GAS7: variants seen among roughly 807,000 people sequenced by gnomAD.
The protein encoded by GAS7 is growth arrest-specific protein 7.
Under a neutral mutation model 71.1 loss-of-function variants are expected in GAS7, and 28 were observed. The observed-to-expected ratio is 0.39, with a 90% CI of 0.29 to 0.54. The LOEUF is 0.54. Among genes scored for constraint, GAS7 ranks in the 20% least tolerant of loss-of-function variants. The pLI is 0.62. For synonymous variants in GAS7, 258 were observed against 245.8 expected (o/e 1.05, Z -0.46); for missense variants, 436 against 627.8 (o/e 0.69, Z 3.27).
intron 1 of GAS7, among the ~76,000 whole-genome samples, chr17:10,176,677 T>C (rs900935710): frequency 2.0e-5 from 3 of 152,144 alleles, no homozygotes; most frequent in African/African-American, 7.2e-5. Context: ...GCAGCCCTAC[T>C]GAGAAGGAGA....
At chr17:10,173,402 A>G (rs11655791) in intron 1 of GAS7, among the ~76,000 whole-genome samples, 27,531 of 152,064 alleles carry the variant, frequency 0.18, 2,637 homozygotes, top group Middle Eastern at 0.24. Context: ...AATGAAGAGA[A>G]GGAGGAATGA....
In GAS7 at chr17:9,912,772, G is replaced by A. The variant is rs549828607; in HGVS notation, c.*4456C>T. The A allele has an allele frequency of 3.0e-5, 7 of 232,438 alleles. No individual in the cohort carries two copies. The highest frequency in any genetic ancestry group is 6.0e-5 in the Non-Finnish European group (7 of 117,604). 14.4% of individuals were successfully genotyped at this position (232,438 alleles called of 1,614,324 possible). Reference sequence around the variant, plus strand: ...AGGAAGCAGCAAGCTGGAAGTGGTCGTGCAAACAAGTTGAAGACCCTGGGC... The same window carrying A: ...AGGAAGCAGCAAGCTGGAAGTGGTCATGCAAACAAGTTGAAGACCCTGGGC... On this transcript the variant is annotated 3_prime_UTR_variant, in exon 14 of 14. Transcript: ENST00000432992.
chr17:9,975,729 A>G (rs7218249), intron 3 of GAS7, among the ~76,000 whole-genome samples: 31,338 of 152,150 alleles, frequency 0.21, 3,480 homozygotes, highest in Middle Eastern at 0.3. Context: ...CATTATTCAG[A>G]TTGAGTTTAT....
intron 1 of GAS7, among the ~76,000 whole-genome samples, chr17:10,059,232 G>C (rs896310447): frequency 1.3e-5 from 2 of 152,162 alleles, no homozygotes; most frequent in Non-Finnish European, 1.5e-5. Context: ...TGGTTCCCAA[G>C]GGCCTTTTCA....
At chr17:10,055,680 A>G (rs1002804892) in intron 1 of GAS7, among the ~76,000 whole-genome samples, 1 of 152,252 alleles carries the variant, frequency 6.6e-6, no homozygotes, top group Admixed American at 6.5e-5. Context: ...TTATTTTCAA[A>G]GTCTGGTTCA....
intron 1 of GAS7, among the ~76,000 whole-genome samples, chr17:10,155,820 T>G (rs1209810588): frequency 6.6e-6 from 1 of 152,360 alleles, no homozygotes; most frequent in East Asian, 1.9e-4. Flanking sequence ...ACATGTATTA[T>G]AATGGTCCTA....
intron 1 of GAS7, among the ~76,000 whole-genome samples, chr17:10,126,357 C>T (rs1034841266): frequency 1.7e-5 from 2 of 119,446 alleles, no homozygotes; most frequent in African/African-American, 2.6e-5. Context: ...TACACTCACA[C>T]ACACTCTTGC....
At chr17:10,009,181 C>A (rs1322610249) in intron 2 of GAS7, among the ~76,000 whole-genome samples, 2 of 151,168 alleles carry the variant, frequency 1.3e-5, no homozygotes, top group Admixed American at 1.3e-4. Context: ...ATTAGCCGGG[C>A]GTAGTGGCGG....
intron 1 of GAS7, among the ~76,000 whole-genome samples, chr17:10,117,391 T>C (rs2073869956): frequency 6.6e-6 from 1 of 152,100 alleles, no homozygotes; most frequent in Non-Finnish European, 1.5e-5. Flanking sequence ...GGTAACATAT[T>C]CACAGGCTCC....
Position 10,189,584 on chromosome 17 carries a change from C to T in GAS7, c.183+8624G>A, listed in dbSNP as rs182449041. 2.5e-3 allele frequency among the ~76,000 whole-genome samples: 380 copies of T among 152,124 alleles called. 5 individuals carry two copies. The highest frequency in any genetic ancestry group is 3.3e-3 in the East Asian group (17 of 5,170). On this transcript the variant is annotated intron_variant, in intron 1 of 13. Coordinates refer to ENST00000432992, the MANE Select transcript of GAS7 (RefSeq NM_201433.2). ...TCTCCCAGGTTTATCAAACACACTCCTCTACTCAGGGTTATGTACATCTGC... is the reference window on the plus strand; with the variant it reads ...TCTCCCAGGTTTATCAAACACACTCTTCTACTCAGGGTTATGTACATCTGC...
At chr17:9,939,653 A>T (rs555534657) in intron 8 of GAS7, among the ~76,000 whole-genome samples, 2 of 151,282 alleles carry the variant, frequency 1.3e-5, no homozygotes, top group Admixed American at 1.3e-4. Flanking sequence ...TCTGTCGCCC[A>T]GGCTGGAGTG....
intron 2 of GAS7, among the ~76,000 whole-genome samples, chr17:10,018,677 C>T (rs1167098676): frequency 6.6e-6 from 1 of 152,164 alleles, no homozygotes; most frequent in African/African-American, 2.4e-5. Flanking sequence ...AATAAACCAG[C>T]TGCCTTCTTT....
Position 10,103,415 on chromosome 17 carries a change from A to G in GAS7, c.184-83518T>C, listed in dbSNP as rs139419540. ...CATTTAAATTTGAGAAGCACAGCTCATGCCATCTAGCGACCCTACTCTAGC... is the reference window on the plus strand; with the variant it reads ...CATTTAAATTTGAGAAGCACAGCTCGTGCCATCTAGCGACCCTACTCTAGC... On this transcript the variant is annotated intron_variant, in intron 1 of 13. Coordinates refer to ENST00000432992, the MANE Select transcript of GAS7 (RefSeq NM_201433.2). This position sits in a 1 kb window ranked among gnomAD's most constrained non-coding sequence, Gnocchi z 5.5. 3.3e-4 allele frequency among the ~76,000 whole-genome samples: 51 copies of G among 152,290 alleles called. No individual in the cohort carries two copies. Among genetic ancestry groups the G allele is most frequent in the African/African-American group, 1.2e-3 (48 of 41,576 alleles).
chr17:10,005,166 CACGCATGCATGTATGTGTATGT>C (rs1449083888), intron 2 of GAS7, among the ~76,000 whole-genome samples: 4 of 149,686 alleles, frequency 2.7e-5, no homozygotes, highest in Non-Finnish European at 4.4e-5. Flanking sequence ...TGTGTGTGCG[CACGCATGCATGTATGTGTATGT>C]GCACGCATGC....
rs966604820 is a variant in GAS7, at chr17:10,072,049, G to A, written c.184-52152C>T. 5.3e-5 allele frequency among the ~76,000 whole-genome samples: 8 copies of A among 152,026 alleles called. No individual in the cohort carries two copies. In the East Asian group the frequency reaches 5.8e-4, roughly 11 times the overall value. On this transcript the variant is annotated intron_variant, in intron 1 of 13. Transcript: ENST00000432992. ...ACAGGATGAGGAGAAATGCTGCCAC[G>A]TTCTCCACCATTCTCTATCACAGTA...
At chr17:9,938,232 C>A (rs945857503) in intron 8 of GAS7, among the ~76,000 whole-genome samples, 2 of 151,998 alleles carry the variant, frequency 1.3e-5, no homozygotes, top group African/African-American at 4.8e-5. Flanking sequence ...ATTGGCCAGG[C>A]GCGATGGATC....
At chr17:10,105,364 T>C (rs1454330976) in intron 1 of GAS7, among the ~76,000 whole-genome samples, 4 of 152,068 alleles carry the variant, frequency 2.6e-5, no homozygotes, top group Non-Finnish European at 5.9e-5. Context: ...TTGACTCTTA[T>C]TCAAACTCAA....
chr17:10,031,691 T>C (rs1240317211), intron 1 of GAS7, among the ~76,000 whole-genome samples: 2 of 152,150 alleles, frequency 1.3e-5, no homozygotes, highest in Non-Finnish European at 2.9e-5. Flanking sequence ...AAGGGCCAGT[T>C]AATAGGGTTC....
At chr17:10,163,886 G>A (rs2074273851) in intron 1 of GAS7, among the ~76,000 whole-genome samples, 1 of 152,200 alleles carries the variant, frequency 6.6e-6, no homozygotes, top group South Asian at 2.1e-4. Context: ...TTTGCTCATG[G>A]AGTGAGGATT....
Sources: allele counts gnomAD v4.1 joint callset (sites outside exome capture counted in the v4.1 genomes callset), GRCh38; gene constraint gnomAD v4.1.1; non-coding constraint Gnocchi (gnomAD v3.1); transcripts MANE v1.5; gene names NCBI Gene and HGNC (gene_info 2026-07-23, HGNC 2026-07-21).